Variants in MKLN1 observed in about 807,000 individuals in gnomAD.
The protein encoded by MKLN1 is muskelin.
A neutral mutation model predicts 99.0 loss-of-function variants in MKLN1; 18 were observed. The observed-to-expected ratio is 0.18, with a 90% CI of 0.13 to 0.27. The LOEUF (loss-of-function observed/expected upper bound fraction) is 0.27. MKLN1 is among the 10% of genes least tolerant of loss of function. The pLI is 1.00. For missense variants in MKLN1, 621 were observed against 875.9 expected (o/e 0.71, Z 3.67); for synonymous variants, 288 against 293.2 (o/e 0.98, Z 0.18).
At chr7:131,423,514 T>C (rs912726105) in intron 8 of MKLN1, among the ~76,000 whole-genome samples, 6 of 152,236 alleles carry the variant, frequency 3.9e-5, no homozygotes, top group African/African-American at 1.4e-4. Context: ...GTATTTTCAG[T>C]AGAGCCAGGC....
At chr7:131,313,328 C>T (rs556790693) in intron 3 of MKLN1, among the ~76,000 whole-genome samples, 1 of 152,192 alleles carries the variant, frequency 6.6e-6, no homozygotes, top group East Asian at 1.9e-4. Context: ...ATAAATCAGA[C>T]AGACACAGAT....
chr7:131,255,885 T>TATTG (rs1046105628), intron 3 of MKLN1, among the ~76,000 whole-genome samples: 1 of 111,230 alleles, frequency 9.0e-6, no homozygotes, highest in Non-Finnish European at 2.0e-5. Flanking sequence ...CCGACCTATT[T>TATTG]ATTTATTTAT....
chr7:131,405,508 G>A (rs1794676585), intron 6 of MKLN1, among the ~76,000 whole-genome samples: 2 of 152,012 alleles, frequency 1.3e-5, no homozygotes, highest in Non-Finnish European at 2.9e-5. Flanking sequence ...TTAATTTGCT[G>A]TCTTTTTATA....
chr7:131,486,231 G>C (rs539544325), intron 17 of MKLN1, among the ~76,000 whole-genome samples: 141 of 146,328 alleles, frequency 9.6e-4, no homozygotes, highest in Non-Finnish European at 1.5e-3. Flanking sequence ...AAAATAAAAA[G>C]TTGAAAAAGA....
chr7:131,373,597 T>C (rs1793536802), intron 1 of MKLN1, among the ~76,000 whole-genome samples: 1 of 152,200 alleles, frequency 6.6e-6, no homozygotes, highest in South Asian at 2.1e-4. Context: ...AAGTACCTTC[T>C]GTTTGCCAGT....
intron 1 of MKLN1, among the ~76,000 whole-genome samples, chr7:131,345,516 A>C (rs1454549683): frequency 2.0e-5 from 3 of 152,144 alleles, no homozygotes; most frequent in Non-Finnish European, 2.9e-5. Flanking sequence ...CAGAAGTTGG[A>C]GAATAGCTTG....
intron 11 of MKLN1, among the ~76,000 whole-genome samples, chr7:131,444,327 G>A (rs1442326798): frequency 1.3e-5 from 2 of 151,882 alleles, no homozygotes; most frequent in Non-Finnish European, 2.9e-5. Context: ...ATGTTGGCCA[G>A]GCTGGTCTTG....
intron 8 of MKLN1, among the ~76,000 whole-genome samples, chr7:131,425,837 G>A (rs1795343017): frequency 6.6e-6 from 1 of 152,000 alleles, no homozygotes; most frequent in South Asian, 2.1e-4. Flanking sequence ...TCTCTCTACA[G>A]TTCTCTCCAA....
intron 3 of MKLN1, among the ~76,000 whole-genome samples, chr7:131,247,235 C>CTTTTCTTTT (rs1554542026): frequency 3.0e-4 from 42 of 141,168 alleles, no homozygotes; most frequent in African/African-American, 1.0e-3. Flanking sequence ...TTTCTTTTTT[C>CTTTTCTTTT]TTTTTTTTTT....
At chr7:131,483,537 A>T (rs1797183573) in intron 17 of MKLN1, among the ~76,000 whole-genome samples, 1 of 152,222 alleles carries the variant, frequency 6.6e-6, no homozygotes, top group Non-Finnish European at 1.5e-5. Flanking sequence ...TTGTTGATTC[A>T]CTAACATTAA....
At chr7:131,468,766 C>G (rs1796728011) in intron 15 of MKLN1, among the ~76,000 whole-genome samples, 1 of 152,100 alleles carries the variant, frequency 6.6e-6, no homozygotes, top group African/African-American at 2.4e-5. Flanking sequence ...GTGATAAGTT[C>G]TTGCTGGCCA....
rs1239371576 is a variant in MKLN1 at position 131,488,535 on chromosome 7, G to T, written c.*807G>T. 6.6e-6 allele frequency: 1 copy of T among 152,482 alleles called. No homozygotes were observed. Among genetic ancestry groups the T allele is most frequent in the Non-Finnish European group, 1.5e-5 (1 of 68,002 alleles). The allele number at this position is 152,482 out of a possible 1,614,324, so 9.4% of individuals were successfully genotyped here. A position where few individuals can be genotyped will look rare whatever the true frequency, so the allele number is the denominator to read the frequency against. ...AACCTTTTTAAGAGCCATTCTAAAA[G>T]TGACCAGCAGGAGGGATCTAGTAGT... On this transcript the variant is annotated 3_prime_UTR_variant, in exon 18 of 18. Transcript: ENST00000352689.
chr7:131,130,375 C>T (rs143397708), intron 1 of MKLN1, among the ~76,000 whole-genome samples: 2 of 152,194 alleles, frequency 1.3e-5, no homozygotes, highest in Non-Finnish European at 2.9e-5. Context: ...CGAGAGCCAA[C>T]CTGGGTTCAC....
chr7:131,369,977 CG>C (rs1436412887), intron 1 of MKLN1, among the ~76,000 whole-genome samples: 3 of 152,134 alleles, frequency 2.0e-5, no homozygotes, highest in Non-Finnish European at 4.4e-5. Context: ...GCTGGGATTA[CG>C]GGCACGTGCC....
intron 1 of MKLN1, among the ~76,000 whole-genome samples, chr7:131,349,530 T>A (rs911473751): frequency 1.3e-5 from 2 of 152,200 alleles, no homozygotes; most frequent in Non-Finnish European, 2.9e-5. Context: ...TATATTGTTA[T>A]ATTGTCTGAG....
chr7:131,193,062 A>G (rs1796591040), intron 2 of MKLN1, among the ~76,000 whole-genome samples: 1 of 152,200 alleles, frequency 6.6e-6, no homozygotes, highest in South Asian at 2.1e-4. Flanking sequence ...GTAAATGAGT[A>G]TTCTAATATG....
chr7:131,184,967 C>T (rs938309996), intron 2 of MKLN1, among the ~76,000 whole-genome samples: 7 of 152,192 alleles, frequency 4.6e-5, no homozygotes, highest in Admixed American at 4.6e-4. Flanking sequence ...GTATAACTTG[C>T]CTGCCATCAG....
intron 3 of MKLN1, among the ~76,000 whole-genome samples, chr7:131,275,266 A>ACCTTCATTCATAAGGCTCT (rs1797942809): frequency 6.6e-6 from 1 of 151,706 alleles, no homozygotes; most frequent in Non-Finnish European, 1.5e-5. Flanking sequence ...TGAAGGCACT[A>ACCTTCATTCATAAGGCTCT]ATCTCATTCA....
chr7:131,398,122 A>T (rs1794413767), intron 5 of MKLN1, among the ~76,000 whole-genome samples: 1 of 152,160 alleles, frequency 6.6e-6, no homozygotes, highest in Non-Finnish European at 1.5e-5. Flanking sequence ...TTAAAGGGTC[A>T]TGCCTATAAG....
Sources: gnomAD v4.1 joint callset for allele counts (sites outside exome capture counted in the v4.1 genomes callset) on GRCh38, gnomAD v4.1.1 for gene constraint, MANE v1.5 for transcripts, NCBI Gene and HGNC (gene_info 2026-07-23, HGNC 2026-07-21) for gene names.